TP63: variants seen among roughly 807,000 people sequenced by gnomAD.
TP63 encodes the protein tumor protein p63.
Under a neutral mutation model 82.8 loss-of-function variants are expected in TP63, and 17 were observed. The observed-to-expected ratio is 0.21, with a 90% CI of 0.14 to 0.31. The LOEUF (loss-of-function observed/expected upper bound fraction) is 0.31. Ranked by LOEUF, TP63 falls within the 10% of genes least tolerant of loss-of-function variation. The pLI, the probability that TP63 is intolerant of heterozygous loss-of-function variation, is 1.00. For synonymous variants in TP63, 330 were observed against 321.7 expected (o/e 1.03, Z -0.28); for missense variants, 648 against 895.3 (o/e 0.72, Z 3.52).
At chr3:189,710,922 G>A (rs763269451) in intron 1 of TP63, among the ~76,000 whole-genome samples, 3 of 152,152 alleles carry the variant, frequency 2.0e-5, no homozygotes, top group Non-Finnish European at 4.4e-5. Flanking sequence ...CTGCTGCCAA[G>A]TTCCTAGAGT....
In TP63 at chr3:189,664,032, C is replaced by T. The variant is rs1275158067; in HGVS notation, c.62+32455C>T. ...CCAAAACATTTTAAATATCTAAAAA[C>T]ATGGAGACTGGGAAAAAGTACATTA... On this transcript the variant is annotated intron_variant, in intron 1 of 13. Coordinates refer to ENST00000264731, the MANE Select transcript of TP63 (RefSeq NM_003722.5). Among the ~76,000 whole-genome samples, 4 of 152,204 alleles carry T rather than the reference C, an allele frequency of 2.6e-5. No homozygotes were observed. The East Asian group carries it at 7.7e-4, about 29-fold the overall frequency.
At chr3:189,842,745 A>G (rs569676401) in intron 4 of TP63, among the ~76,000 whole-genome samples, 2 of 152,266 alleles carry the variant, frequency 1.3e-5, no homozygotes, top group South Asian at 4.1e-4. Flanking sequence ...TACACCTCTA[A>G]CGTATCAGTG....
intron 4 of TP63, among the ~76,000 whole-genome samples, chr3:189,839,360 A>G (rs887772566): frequency 2.6e-5 from 4 of 152,226 alleles, no homozygotes; most frequent in African/African-American, 9.6e-5. Flanking sequence ...TTAGAAGCAC[A>G]AAGTGGAACC....
rs141845366 is a variant in TP63 at position 189,825,454 on chromosome 3, C to T, written c.579+16928C>T. Among the ~76,000 whole-genome samples, 554 of 152,260 alleles carry T rather than the reference C, an allele frequency of 3.6e-3. 2 individuals carry two copies. The highest frequency in any genetic ancestry group is 0.02 in the Middle Eastern group (6 of 294). ...AGCAGGCAAAAATAAATTATGCTTT[C>T]CACGTTTTTAAATGTTCTTGGTAGA... is the stretch of plus-strand genomic sequence containing the variant. On this transcript the variant is annotated intron_variant, in intron 4 of 13. Coordinates refer to ENST00000264731, the MANE Select transcript of TP63 (RefSeq NM_003722.5).
chr3:189,632,436 G>T (rs917841491), intron 1 of TP63, among the ~76,000 whole-genome samples: 3 of 152,056 alleles, frequency 2.0e-5, no homozygotes, highest in South Asian at 2.1e-4. Flanking sequence ...CTCTCTCTGG[G>T]CAGGACTCAC....
chr3:189,893,522 C>T (rs1466170096), intron 13 of TP63, among the ~76,000 whole-genome samples: 1 of 152,216 alleles, frequency 6.6e-6, no homozygotes, highest in African/African-American at 2.4e-5. Flanking sequence ...GCCTTCTGCA[C>T]CCATTCACAG....
chr3:189,894,550 C>G lies in TP63; in HGVS notation c.*48C>G. The G allele has an allele frequency of 1.9e-6, 3 of 1,603,546 alleles. No individual in the cohort carries two copies. The highest frequency in any genetic ancestry group is 2.5e-6 in the Non-Finnish European group (3 of 1,176,520). Reference sequence around the variant, plus strand: ...TATCCCTCTCCTAACTGCCAGCCCCCTAAAAGCACTCCTGCTTAATCTTCA... The same window carrying G: ...TATCCCTCTCCTAACTGCCAGCCCCGTAAAAGCACTCCTGCTTAATCTTCA... On this transcript the variant is annotated 3_prime_UTR_variant, in exon 14 of 14. Coordinates refer to ENST00000264731, the MANE Select transcript of TP63 (RefSeq NM_003722.5).
intron 1 of TP63, among the ~76,000 whole-genome samples, chr3:189,689,568 C>A (rs1331036341): frequency 6.6e-6 from 1 of 152,012 alleles, no homozygotes; most frequent in Admixed American, 6.6e-5. Context: ...CTGGGGATTT[C>A]TTGAATCGTG....
At chr3:189,884,742 G>T (rs940620628) in intron 10 of TP63, among the ~76,000 whole-genome samples, 1 of 152,150 alleles carries the variant, frequency 6.6e-6, no homozygotes, top group African/African-American at 2.4e-5. Context: ...TACCTTAAAG[G>T]CAGTGATTGT....
chr3:189,693,128 G>GCTT (rs1248986089), intron 1 of TP63, among the ~76,000 whole-genome samples: 1 of 152,132 alleles, frequency 6.6e-6, no homozygotes, highest in African/African-American at 2.4e-5. Flanking sequence ...CCGTTATGTG[G>GCTT]CTTCATCAAT....
chr3:189,863,704 C>T (rs1303655114), intron 4 of TP63, among the ~76,000 whole-genome samples: 1 of 151,858 alleles, frequency 6.6e-6, no homozygotes, highest in Non-Finnish European at 1.5e-5. Context: ...AGCGATCTGA[C>T]GTCAGGCGAA....
At chr3:189,671,712 A>G (rs77609565) in intron 1 of TP63, among the ~76,000 whole-genome samples, 2,052 of 152,298 alleles carry the variant, frequency 0.013, 26 homozygotes, top group East Asian at 0.045. Context: ...CAGCAATAAA[A>G]AAGAATGAAA....
At chr3:189,606,047 T>C in the TP63 span, among the ~76,000 whole-genome samples, 1 of 152,190 alleles carries the variant, frequency 6.6e-6, no homozygotes, top group African/African-American at 2.4e-5. Context: ...TTCTTCCCTG[T>C]CATCCAAGAG....
At chr3:189,775,630 C>CT (rs1723738326) in intron 3 of TP63, among the ~76,000 whole-genome samples, 3 of 152,150 alleles carry the variant, frequency 2.0e-5, no homozygotes, top group Non-Finnish European at 4.4e-5. Flanking sequence ...ATCCTCATTT[C>CT]TTTTTACTGA....
chr3:189,729,297 C>T (rs1719991467), intron 1 of TP63, among the ~76,000 whole-genome samples: 1 of 152,138 alleles, frequency 6.6e-6, no homozygotes, highest in African/African-American at 2.4e-5. Flanking sequence ...GAATTAATGA[C>T]TGCCAAGTTT....
chr3:189,672,664 A>AGAAGGAAGGAAGGAAG (rs71173301), intron 1 of TP63, among the ~76,000 whole-genome samples: 2,611 of 118,194 alleles, frequency 0.022, 56 homozygotes, highest in Middle Eastern at 0.12. Context: ...AAGGAAGGAA[A>AGAAGGAAGGAAGGAAG]GAAGGAAGGA....
chr3:189,686,659 AGATAAGG>A (rs1716461887), intron 1 of TP63, among the ~76,000 whole-genome samples: 2 of 150,602 alleles, frequency 1.3e-5, no homozygotes, highest in Admixed American at 1.3e-4. Flanking sequence ...CAAACTTGCC[AGATAAGG>A]GAACATACCA....
chr3:189,835,643 G>A (rs186698410), intron 4 of TP63, among the ~76,000 whole-genome samples: 66 of 151,840 alleles, frequency 4.3e-4, no homozygotes, highest in Non-Finnish European at 7.8e-4. Flanking sequence ...GGGGAAGGCG[G>A]CTGGGTGCAG....
At chr3:189,625,498 T>C in the TP63 span, among the ~76,000 whole-genome samples, 1 of 152,182 alleles carries the variant, frequency 6.6e-6, no homozygotes, top group Non-Finnish European at 1.5e-5. Context: ...CCAAGATTTT[T>C]CCTTGGTGTA....
Sources: allele counts gnomAD v4.1 joint callset (sites outside exome capture counted in the v4.1 genomes callset), GRCh38; gene constraint gnomAD v4.1.1; transcripts MANE v1.5; gene names NCBI Gene and HGNC (gene_info 2026-07-23, HGNC 2026-07-21).